Variants in ZZZ3 observed in about 807,000 individuals in gnomAD.
ZZZ3 encodes the protein zinc finger ZZ-type containing 3, also known as ZZ-type zinc finger-containing protein 3.
Under a neutral mutation model 95.2 loss-of-function variants are expected in ZZZ3, and 22 were observed. That is an observed-to-expected ratio of 0.23 (90% CI 0.17 to 0.33). ZZZ3 has a LOEUF of 0.33. Ranked by LOEUF, ZZZ3 falls within the 10% of genes least tolerant of loss-of-function variation. The probability of loss-of-function intolerance (pLI) is 1.00; values close to 1 mark genes in which losing one functional copy is unlikely to be tolerated. For synonymous variants in ZZZ3, 335 were observed against 358.9 expected (o/e 0.93, Z 0.75); for missense variants, 885 against 1,066.5 (o/e 0.83, Z 2.37).
intron 5 of ZZZ3, among the ~76,000 whole-genome samples, chr1:77,630,277 G>A (rs1410667578): frequency 6.6e-6 from 1 of 151,858 alleles, no homozygotes; most frequent in African/African-American, 2.4e-5. Flanking sequence ...AGATTAAGAC[G>A]AGCCTGGGCA....
chr1:77,615,054 A>C (rs1666176534), intron 5 of ZZZ3: 1 of 152,238 alleles, frequency 6.6e-6, no homozygotes, highest in African/African-American at 2.4e-5. Flanking sequence ...CAGAGCAATC[A>C]CTGCCTCCAC....
intron 1 of ZZZ3, among the ~76,000 whole-genome samples, chr1:77,652,396 G>A (rs951691421): frequency 6.6e-6 from 1 of 152,152 alleles, no homozygotes; most frequent in Non-Finnish European, 1.5e-5. Context: ...ACCACAGTGA[G>A]ATACTTCACA....
chr1:77,570,382 C>T lies in ZZZ3; in HGVS notation c.2332-1916G>A, dbSNP rs958357597. Among the ~76,000 whole-genome samples, 7 of 152,308 alleles carry T rather than the reference C, an allele frequency of 4.6e-5. No homozygotes were observed. In the East Asian group the frequency reaches 1.2e-3, roughly 25 times the overall value. On this transcript the variant is annotated intron_variant, in intron 12 of 14. Transcript: ENST00000370801. ...CCTCCCAAAGTGCTGGGATTACAGG[C>T]ATACCACACCTGGCCTATCCTCAGT...
At chr1:77,654,081 G>T (rs1208447516) in intron 1 of ZZZ3, among the ~76,000 whole-genome samples, 1 of 151,262 alleles carries the variant, frequency 6.6e-6, no homozygotes, top group Non-Finnish European at 1.5e-5. Context: ...CCAGCTACTT[G>T]GGAGGCTGAG....
At chr1:77,602,837 C>T (rs1435456588) in intron 5 of ZZZ3, among the ~76,000 whole-genome samples, 1 of 151,862 alleles carries the variant, frequency 6.6e-6, no homozygotes, top group Non-Finnish European at 1.5e-5. Context: ...AACTCCTGAC[C>T]TCGTGATCTG....
Position 77,639,458 on chromosome 1 carries a change from C to G in ZZZ3, c.-61G>C. ...AAACTAAATAACTTACCTGTACAAC[C>G]AAAGATCTATCATTGTGGAAATATA... On this transcript the variant is annotated 5_prime_UTR_variant, in exon 4 of 15. Coordinates refer to ENST00000370801, the MANE Select transcript of ZZZ3 (RefSeq NM_015534.6). 6.6e-7 allele frequency: 1 copy of G among 1,518,498 alleles called. No homozygotes were observed. Among genetic ancestry groups the G allele is most frequent in the Non-Finnish European group, 8.8e-7 (1 of 1,132,634 alleles). The allele number at this position is 1,518,498 out of a possible 1,614,324, so 94.1% of individuals were successfully genotyped here. A position where few individuals can be genotyped will look rare whatever the true frequency, so the allele number is the denominator to read the frequency against.
At chr1:77,590,075 T>C (rs1663524052) in intron 5 of ZZZ3, among the ~76,000 whole-genome samples, 1 of 152,008 alleles carries the variant, frequency 6.6e-6, no homozygotes, top group Non-Finnish European at 1.5e-5. Flanking sequence ...ATAGTGTCAT[T>C]AAAAACAAAA....
chr1:77,566,527 T>C (rs1300445654), intron 13 of ZZZ3, among the ~76,000 whole-genome samples: 2 of 152,226 alleles, frequency 1.3e-5, no homozygotes, highest in Non-Finnish European at 2.9e-5. Flanking sequence ...GACCACTGTA[T>C]GATGACTATG....
chr1:77,670,624 A>C (rs867471976), intron 1 of ZZZ3, among the ~76,000 whole-genome samples: 1 of 152,092 alleles, frequency 6.6e-6, no homozygotes. Context: ...AATTACACAC[A>C]AAAACAAAAT....
At chr1:77,678,425 G>C (rs1292964725) in intron 1 of ZZZ3, among the ~76,000 whole-genome samples, 1 of 152,098 alleles carries the variant, frequency 6.6e-6, no homozygotes, top group Non-Finnish European at 1.5e-5. Context: ...TTAATTAACA[G>C]AGTTTTGAAA....
At position 77,675,549 on chromosome 1, in the gene ZZZ3, G is replaced by A. The variant is rs370134850; in HGVS notation, c.-403+7036C>T. 1.6e-4 allele frequency among the ~76,000 whole-genome samples: 25 copies of A among 151,576 alleles called. No individual in the cohort carries two copies. In the South Asian group the frequency reaches 2.9e-3, roughly 18 times the overall value. The stretch of plus-strand genomic sequence containing the variant: ...AGACAGAAGGAAATTACATCACATC[G>A]AATTGTTCATCTTCAGTTCTCTGTA... On this transcript the variant is annotated intron_variant, in intron 1 of 14. Transcript: ENST00000370801.
At chr1:77,566,224 C>T in intron 13 of ZZZ3, 43 bp from the exon 14 acceptor site, 1 of 1,389,856 alleles carries the variant, frequency 7.2e-7, no homozygotes, top group Non-Finnish European at 1.0e-6. Flanking sequence ...TTATACTGTT[C>T]CACGATCTTT....
intron 1 of ZZZ3, among the ~76,000 whole-genome samples, chr1:77,676,698 G>C (rs1672297397): frequency 1.3e-5 from 2 of 151,958 alleles, no homozygotes; most frequent in African/African-American, 4.8e-5. Flanking sequence ...CAAGGCAAAA[G>C]ATATTAAACA....
At chr1:77,636,370 T>G (rs898332158) in intron 4 of ZZZ3, among the ~76,000 whole-genome samples, 7 of 152,300 alleles carry the variant, frequency 4.6e-5, no homozygotes, top group African/African-American at 1.4e-4. Context: ...GAACCTATTA[T>G]TAGTAGTACT....
intron 12 of ZZZ3, among the ~76,000 whole-genome samples, chr1:77,572,736 A>G (rs1398393509): frequency 3.3e-5 from 5 of 152,096 alleles, no homozygotes; most frequent in African/African-American, 4.8e-5. Flanking sequence ...TCCCAGGCTC[A>G]AGTGATCCTC....
chr1:77,606,511 G>A (rs1165304793), intron 5 of ZZZ3, among the ~76,000 whole-genome samples: 1 of 152,124 alleles, frequency 6.6e-6, no homozygotes, highest in African/African-American at 2.4e-5. Flanking sequence ...GCCAGGTAGT[G>A]GATATAGCGG....
chr1:77,587,349 CT>C (rs1436838860), intron 5 of ZZZ3, among the ~76,000 whole-genome samples: 2 of 143,774 alleles, frequency 1.4e-5, no homozygotes, highest in Non-Finnish European at 3.0e-5. Context: ...CCTGCAAGCT[CT>C]GCCTCCCGGG....
At chr1:77,574,317 T>C (rs1004239944) in intron 12 of ZZZ3, among the ~76,000 whole-genome samples, 2 of 151,948 alleles carry the variant, frequency 1.3e-5, no homozygotes, top group Non-Finnish European at 2.9e-5. Context: ...AAGTAAGTAT[T>C]ACATTGATGT....
At chr1:77,576,679 CCA>C (rs1661980153) in intron 11 of ZZZ3, among the ~76,000 whole-genome samples, 2 of 151,992 alleles carry the variant, frequency 1.3e-5, no homozygotes, top group Admixed American at 1.3e-4. Flanking sequence ...TTATTCTATG[CCA>C]GGGTTGTCCA....
Sources: gnomAD v4.1 joint callset for allele counts (sites outside exome capture counted in the v4.1 genomes callset) on GRCh38, gnomAD v4.1.1 for gene constraint, MANE v1.5 for transcripts, NCBI Gene and HGNC (gene_info 2026-07-23, HGNC 2026-07-21) for gene names.